NPFFR2: variants seen among roughly 807,000 people sequenced by gnomAD.
The protein encoded by NPFFR2 is neuropeptide FF receptor 2, also known as G-protein coupled receptor 74.
Under a neutral mutation model 13.1 loss-of-function variants are expected in NPFFR2, and 15 were observed. The ratio of observed to expected loss-of-function variants is 1.15; its 90% CI spans 0.77 to 1.76. The LOEUF (loss-of-function observed/expected upper bound fraction) is 1.76, where lower values mean the gene tolerates loss of function less well. Ranked by LOEUF, NPFFR2 falls within the 40% of genes most tolerant of loss-of-function variation. The pLI, the probability that NPFFR2 is intolerant of heterozygous loss-of-function variation, is 0.00. For missense variants in NPFFR2, 572 were observed against 503.5 expected (o/e 1.14, Z -1.30); for synonymous variants, 190 against 175.7 (o/e 1.08, Z -0.65).
intron 1 of NPFFR2, among the ~76,000 whole-genome samples, chr4:72,068,391 T>G (rs945002421): frequency 6.6e-6 from 1 of 152,192 alleles, no homozygotes; most frequent in Non-Finnish European, 1.5e-5. Flanking sequence ...AAAGCTATTT[T>G]TATAAAAGGC....
chr4:72,147,147 A>C lies in NPFFR2; in HGVS notation c.598A>C (p.Thr200Pro). The change falls in exon 4 of 4, where the codon ACC becomes CCC. Residue 200 changes from threonine to proline, a missense_variant. Coordinates refer to ENST00000308744, the MANE Select transcript of NPFFR2 (RefSeq NM_004885.3). ...YRVRLNSQNKTSPVYWCREDW... is the reference protein window; with the variant it reads ...YRVRLNSQNKPSPVYWCREDW... ...AGTGAGACTCAACTCCCAGAATAAA[A>C]CCAGTCCAGTCTACTGGTGCCGGGA... The C allele has an allele frequency of 1.2e-6, 2 of 1,614,036 alleles. No homozygotes were observed. Among genetic ancestry groups the C allele is most frequent in the Non-Finnish European group, 1.7e-6 (2 of 1,180,008 alleles).
intron 1 of NPFFR2, among the ~76,000 whole-genome samples, chr4:72,076,658 T>C (rs1380850748): frequency 6.6e-6 from 1 of 152,146 alleles, no homozygotes; most frequent in Non-Finnish European, 1.5e-5. Context: ...GACAGCATCA[T>C]TTTTCTTCAG....
chr4:72,097,648 C>T (rs1236786181), intron 1 of NPFFR2, among the ~76,000 whole-genome samples: 2 of 152,110 alleles, frequency 1.3e-5, no homozygotes, highest in Non-Finnish European at 2.9e-5. Context: ...TTAAACTGCA[C>T]TTTCACATCT....
chr4:72,120,106 AC>A (rs1721825975), intron 1 of NPFFR2, among the ~76,000 whole-genome samples: 1 of 152,120 alleles, frequency 6.6e-6, no homozygotes, highest in Admixed American at 6.5e-5. Flanking sequence ...AGGGACGTCC[AC>A]CATTACTGAG....
chr4:72,104,668 C>G (rs1051463308), intron 1 of NPFFR2, among the ~76,000 whole-genome samples: 1 of 151,952 alleles, frequency 6.6e-6, no homozygotes, highest in Non-Finnish European at 1.5e-5. Flanking sequence ...CTGGTACTTT[C>G]CTTATGCTTC....
At chr4:72,119,324 C>T (rs1408110046) in intron 1 of NPFFR2, among the ~76,000 whole-genome samples, 1 of 152,112 alleles carries the variant, frequency 6.6e-6, no homozygotes, top group Non-Finnish European at 1.5e-5. Flanking sequence ...TATGTACTAA[C>T]ACAGCAGATA....
At chr4:72,138,638 A>T (rs1489951788) in intron 3 of NPFFR2, among the ~76,000 whole-genome samples, 1 of 152,034 alleles carries the variant, frequency 6.6e-6, no homozygotes, top group Non-Finnish European at 1.5e-5. Context: ...TATGTGCCAC[A>T]ATTTTCTTAA....
chr4:72,146,710 T>C (rs1030213982), intron 3 of NPFFR2: 2 of 370,690 alleles, frequency 5.4e-6, no homozygotes, highest in African/African-American at 4.2e-5. Flanking sequence ...GAACAGAGTC[T>C]GAAACGGTTT....
intron 1 of NPFFR2, among the ~76,000 whole-genome samples, chr4:72,075,992 CACACACACACACACAGAGAGAGAGAGAG>C (rs759185705): frequency 0.079 from 1,687 of 21,252 alleles, 26 homozygotes; most frequent in Non-Finnish European, 0.29. Flanking sequence ...CACACACACA[CACACACACACACACAGAGAGAGAGAGAG>C]GGCAGACAGC....
intron 3 of NPFFR2, among the ~76,000 whole-genome samples, chr4:72,143,148 C>A (rs1722683271): frequency 6.6e-6 from 1 of 152,052 alleles, no homozygotes; most frequent in Non-Finnish European, 1.5e-5. Context: ...GGCACTTGTT[C>A]AGAGAAATGT....
rs141595252 is a variant in NPFFR2 at position 72,121,269 on chromosome 4, G to A, written c.-7-7316G>A. ...TACAATGTGAAAAGACCAAACCTTT[G>A]TTTGACTGGTGTACCTGAAAGTGAC... is the stretch of plus-strand genomic sequence containing the variant. On this transcript the variant is annotated intron_variant, in intron 1 of 3. Coordinates refer to ENST00000308744, the MANE Select transcript of NPFFR2 (RefSeq NM_004885.3). Among the ~76,000 whole-genome samples, 11 of 152,256 alleles carry A rather than the reference G, an allele frequency of 7.2e-5. No individual in the cohort carries two copies. In the East Asian group the frequency reaches 2.1e-3, roughly 29 times the overall value.
intron 1 of NPFFR2, among the ~76,000 whole-genome samples, chr4:72,044,482 G>A (rs1053038608): frequency 6.6e-6 from 1 of 152,044 alleles, no homozygotes; most frequent in Non-Finnish European, 1.5e-5. Context: ...AACATGGAAC[G>A]TTTTTCTACT....
At chr4:72,124,779 G>T (rs950134962) in intron 1 of NPFFR2, among the ~76,000 whole-genome samples, 1 of 151,990 alleles carries the variant, frequency 6.6e-6, no homozygotes, top group Non-Finnish European at 1.5e-5. Flanking sequence ...TAACCAAGAC[G>T]GATTAAAGAC....
chr4:72,038,945 C>A, intron 1 of NPFFR2, among the ~76,000 whole-genome samples: 1 of 117,216 alleles, frequency 8.5e-6, no homozygotes, highest in Non-Finnish European at 1.6e-5. Flanking sequence ...GTCTCTGTCG[C>A]CCAGGCTAGA....
chr4:72,147,997 G>T lies in NPFFR2; in HGVS notation c.*185G>T. 2.0e-6 allele frequency: 1 copy of T among 508,682 alleles called. No homozygotes were observed. The highest frequency in any genetic ancestry group is 3.4e-6 in the Non-Finnish European group (1 of 292,620). 31.5% of individuals were successfully genotyped at this position (508,682 alleles called of 1,614,324 possible). On this transcript the variant is annotated 3_prime_UTR_variant, in exon 4 of 4. Transcript: ENST00000308744. ...ATAAGATCATAAACAATCTTATGTT[G>T]TATAAAAATACGTAGAGTGACTTAG...
intron 1 of NPFFR2, among the ~76,000 whole-genome samples, chr4:72,035,675 T>C (rs1719023724): frequency 6.6e-6 from 1 of 151,670 alleles, no homozygotes. Flanking sequence ...ACAATCCAAA[T>C]CACACCACAC....
intron 1 of NPFFR2, among the ~76,000 whole-genome samples, chr4:72,104,554 A>ATATAGCTAAGGGTGG (rs1475359522): frequency 1.5e-4 from 23 of 152,100 alleles, no homozygotes; most frequent in African/African-American, 5.1e-4. Context: ...CAAACCTCAT[A>ATATAGCTAAGGGTGG]AACCCCAAAG....
At chr4:72,065,929 T>C (rs1327702643) in intron 1 of NPFFR2, among the ~76,000 whole-genome samples, 1 of 152,212 alleles carries the variant, frequency 6.6e-6, no homozygotes, top group Non-Finnish European at 1.5e-5. Context: ...CTACTACTCA[T>C]GCAAGCCCCC....
Position 72,146,224 on chromosome 4 carries a change from CA to C in NPFFR2, c.429-753del, listed in dbSNP as rs71655706. On this transcript the variant is annotated intron_variant, in intron 3 of 3. Transcript: ENST00000308744. Reference sequence around the variant, plus strand: ...ATAACTGGAATCACTCATGTTGCAGCATTAATCTGGGAGCTAAACTGGGGCT... The same window carrying C: ...ATAACTGGAATCACTCATGTTGCAGCTTAATCTGGGAGCTAAACTGGGGCT... Among the ~76,000 whole-genome samples, 1,125 of 152,276 alleles carry C rather than the reference CA, an allele frequency of 7.4e-3. 9 individuals are homozygous for C. Among genetic ancestry groups the C allele is most frequent in the Non-Finnish European group, 0.011 (733 of 68,022 alleles).
Sources: allele counts gnomAD v4.1 joint callset (sites outside exome capture counted in the v4.1 genomes callset), GRCh38; gene constraint gnomAD v4.1.1; transcripts MANE v1.5; gene names NCBI Gene and HGNC (gene_info 2026-07-23, HGNC 2026-07-21).